The following CSMD1 variants were observed in gnomAD, a reference collection of about 807,000 sequenced individuals.
The protein encoded by CSMD1 is CUB and sushi domain-containing protein 1.
In CSMD1, 213 loss-of-function variants were observed where a neutral mutation model predicts 417.5. That is an observed-to-expected ratio of 0.51 (90% CI 0.46 to 0.57). The LOEUF (loss-of-function observed/expected upper bound fraction) is 0.57. Among genes scored for constraint, CSMD1 ranks in the 20% least tolerant of loss-of-function variants. The pLI is 0.00. For synonymous variants in CSMD1, 2,862 were observed against 1,736.8 expected (o/e 1.65, Z -16.11); for missense variants, 6,923 against 4,529.7 (o/e 1.53, Z -15.17).
chr8:4,406,938 C>G (rs958352444), intron 3 of CSMD1, among the ~76,000 whole-genome samples: 2 of 152,114 alleles, frequency 1.3e-5, no homozygotes, highest in African/African-American at 4.8e-5. Context: ...ACCAAGCTGA[C>G]TTAAAAGGGA....
chr8:4,905,532 G>A (rs115879944), intron 1 of CSMD1, among the ~76,000 whole-genome samples: 6,089 of 151,934 alleles, frequency 0.04, 269 homozygotes, highest in African/African-American at 0.11. Flanking sequence ...TAAAGAAAAA[G>A]AAATCGGTCA....
Position 4,484,002 on chromosome 8 carries a change from C to A in CSMD1, c.303-63937G>T, listed in dbSNP as rs368664427. 3.3e-5 allele frequency among the ~76,000 whole-genome samples: 5 copies of A among 152,188 alleles called. 1 individual carries two copies. The highest frequency in any genetic ancestry group is 1.2e-4 in the African/African-American group (5 of 41,524). ...GAGAGCACAGCCCTGGGAGAAACAT[C>A]CCATTGCCTGTTGGATGATAGGGCT... On this transcript the variant is annotated intron_variant, in intron 2 of 69. Coordinates refer to ENST00000635120, the MANE Select transcript of CSMD1 (RefSeq NM_033225.6).
At chr8:3,550,530 C>T (rs1447822572) in intron 10 of CSMD1, among the ~76,000 whole-genome samples, 1 of 152,188 alleles carries the variant, frequency 6.6e-6, no homozygotes, top group Non-Finnish European at 1.5e-5. Context: ...TAGTGATTCA[C>T]TCAGGGTGAT....
chr8:3,816,718 T>C (rs1017396447), intron 5 of CSMD1, among the ~76,000 whole-genome samples: 42 of 152,180 alleles, frequency 2.8e-4, no homozygotes, highest in African/African-American at 1.0e-3. Flanking sequence ...ATCATGGGAA[T>C]GTATTTAATT....
At chr8:3,947,821 G>C (rs541161071) in intron 5 of CSMD1, among the ~76,000 whole-genome samples, 2 of 152,266 alleles carry the variant, frequency 1.3e-5, no homozygotes, top group East Asian at 3.9e-4. Context: ...TATGGTTCAA[G>C]TAGGTCACAT....
At chr8:3,750,884 T>A (rs1036263145) in intron 6 of CSMD1, among the ~76,000 whole-genome samples, 26 of 152,316 alleles carry the variant, frequency 1.7e-4, no homozygotes, top group African/African-American at 5.3e-4. Context: ...GTAACAGTTC[T>A]GCCCTCTGGA....
At chr8:4,189,332 T>A (rs578047573) in intron 3 of CSMD1, among the ~76,000 whole-genome samples, 1 of 152,208 alleles carries the variant, frequency 6.6e-6, no homozygotes, top group African/African-American at 2.4e-5. Context: ...TGGTGCCAAC[T>A]GTGTTTATTA....
chr8:4,381,468 G>T (rs957865759), intron 3 of CSMD1, among the ~76,000 whole-genome samples: 1 of 152,180 alleles, frequency 6.6e-6, no homozygotes, highest in Admixed American at 6.5e-5. Context: ...GTGTGCTAAA[G>T]ATCATTGTCT....
chr8:3,739,882 G>C (rs968025096), intron 6 of CSMD1, among the ~76,000 whole-genome samples: 4 of 152,124 alleles, frequency 2.6e-5, no homozygotes, highest in Admixed American at 1.3e-4. Context: ...AGAATCTCCA[G>C]TAAATAATGC....
intron 2 of CSMD1, among the ~76,000 whole-genome samples, chr8:4,422,734 A>G (rs1797319179): frequency 6.6e-6 from 1 of 152,158 alleles, no homozygotes; most frequent in South Asian, 2.1e-4. Context: ...ACACAGAAAA[A>G]AGAAAAATAA....
At chr8:3,094,374 G>C (rs1245078663) in intron 47 of CSMD1, among the ~76,000 whole-genome samples, 3 of 152,086 alleles carry the variant, frequency 2.0e-5, no homozygotes, top group Non-Finnish European at 4.4e-5. Context: ...TAAAGTGCTG[G>C]GATTACAGGC....
chr8:4,929,587 C>A (rs1807100853), intron 1 of CSMD1, among the ~76,000 whole-genome samples: 3 of 152,190 alleles, frequency 2.0e-5, no homozygotes, highest in Non-Finnish European at 4.4e-5. Flanking sequence ...AAGGTGTGTT[C>A]AGTCCATTTG....
At chr8:4,154,707 A>T (rs1796741385) in intron 3 of CSMD1, among the ~76,000 whole-genome samples, 1 of 152,244 alleles carries the variant, frequency 6.6e-6, no homozygotes, top group Admixed American at 6.5e-5. Context: ...ACAAGGAAAA[A>T]GAGATCATGT....
chr8:3,919,406 T>C (rs76225619), intron 5 of CSMD1, among the ~76,000 whole-genome samples: 19 of 152,072 alleles, frequency 1.2e-4, no homozygotes, highest in African/African-American at 3.6e-4. Context: ...TTTTCCCCCA[T>C]TGTGTCTTTT....
intron 5 of CSMD1, among the ~76,000 whole-genome samples, chr8:3,772,979 T>G (rs1177242625): frequency 6.6e-6 from 1 of 152,080 alleles, no homozygotes; most frequent in Non-Finnish European, 1.5e-5. Flanking sequence ...GGATCCCACT[T>G]CTGGGAAGGA....
chr8:4,589,047 A>T (rs1799854940), intron 2 of CSMD1, among the ~76,000 whole-genome samples: 1 of 152,120 alleles, frequency 6.6e-6, no homozygotes, highest in Admixed American at 6.5e-5. Context: ...ACATTATATA[A>T]TGTGTAATAG....
chr8:4,089,834 C>T (rs552964508), intron 3 of CSMD1, among the ~76,000 whole-genome samples: 5 of 152,086 alleles, frequency 3.3e-5, no homozygotes, highest in African/African-American at 1.2e-4. Context: ...AGAGCTGAGG[C>T]TTCTGGAATG....
At chr8:4,731,800 G>T (rs1253984508) in intron 1 of CSMD1, among the ~76,000 whole-genome samples, 1 of 152,278 alleles carries the variant, frequency 6.6e-6, no homozygotes, top group East Asian at 1.9e-4. Flanking sequence ...TTTATTTAGG[G>T]TTGGGCGAAC....
chr8:4,543,167 T>C (rs561463419), intron 2 of CSMD1, among the ~76,000 whole-genome samples: 1 of 152,346 alleles, frequency 6.6e-6, no homozygotes, highest in Admixed American at 6.5e-5. Context: ...AAGTCCATTA[T>C]TGACATTCTA....
Sources: allele counts gnomAD v4.1 joint callset (sites outside exome capture counted in the v4.1 genomes callset), GRCh38; gene constraint gnomAD v4.1.1; transcripts MANE v1.5; gene names NCBI Gene and HGNC (gene_info 2026-07-23, HGNC 2026-07-21).